Variants in SLC4A1AP observed in about 807,000 individuals in gnomAD.
SLC4A1AP encodes the protein solute carrier family 4 member 1 adaptor protein.
In SLC4A1AP, 64 loss-of-function variants were observed where a neutral mutation model predicts 89.7. The ratio of observed to expected loss-of-function variants is 0.71; its 90% CI spans 0.58 to 0.88. The LOEUF (loss-of-function observed/expected upper bound fraction) is 0.88. Ranked by LOEUF, SLC4A1AP falls within the 40% of genes least tolerant of loss-of-function variation. The pLI, the probability that SLC4A1AP is intolerant of heterozygous loss-of-function variation, is 0.00. For missense variants in SLC4A1AP, 931 were observed against 965.0 expected (o/e 0.96, Z 0.47); for synonymous variants, 366 against 353.3 (o/e 1.04, Z -0.40).
chr2:27,676,343 A>G (rs999377482), intron 6 of SLC4A1AP, among the ~76,000 whole-genome samples: 6 of 152,262 alleles, frequency 3.9e-5, no homozygotes, highest in Non-Finnish European at 5.9e-5. Flanking sequence ...AATTTGTTAC[A>G]GGTATTAATT....
chr2:27,663,926 T>A (rs1675246666), exon 1 of SLC4A1AP: 1 of 1,613,908 alleles, frequency 6.2e-7, no homozygotes, highest in Admixed American at 1.7e-5. Context: ...TGGCTGACAT[T>A]CTCTCTCAGT....
chr2:27,665,198 A>G, exon 2 of SLC4A1AP: 1 of 1,613,896 alleles, frequency 6.2e-7, no homozygotes, highest in Non-Finnish European at 8.5e-7. Context: ...AGAAGATGCT[A>G]GGAGAAGACT....
intron 5 of SLC4A1AP, among the ~76,000 whole-genome samples, chr2:27,669,588 G>A (rs1675388611): frequency 6.6e-6 from 1 of 152,080 alleles, no homozygotes; most frequent in African/African-American, 2.4e-5. Flanking sequence ...TGTGTGCTGA[G>A]ACCTAGATCC....
At chr2:27,681,166 T>C (rs1241881918) in intron 8 of SLC4A1AP, among the ~76,000 whole-genome samples, 1 of 152,214 alleles carries the variant, frequency 6.6e-6, no homozygotes, top group Non-Finnish European at 1.5e-5. Context: ...TGTCTTTCTA[T>C]GCCAGAGCCT....
At chr2:27,664,022 G>A (rs1272962080) in exon 1 of SLC4A1AP, 1 of 1,614,202 alleles carries the variant, frequency 6.2e-7, no homozygotes, top group East Asian at 2.2e-5. Flanking sequence ...GTAAGGCCCC[G>A]GCCAGCAGTT....
At chr2:27,677,480 C>T (rs1426393812) in intron 7 of SLC4A1AP, 116 bp downstream of exon 7, 3 of 745,102 alleles carry the variant, frequency 4.0e-6, no homozygotes, top group South Asian at 1.7e-5. Flanking sequence ...TTTAAAGGAG[C>T]AACATACCGT....
chr2:27,683,732 T>G (rs777357018), intron 9 of SLC4A1AP, among the ~76,000 whole-genome samples: 1 of 152,000 alleles, frequency 6.6e-6, no homozygotes, highest in Non-Finnish European at 1.5e-5. Flanking sequence ...GTCCTAGCTA[T>G]GTATTCTTTT....
chr2:27,688,081 G>T, intron 11 of SLC4A1AP, 61 bp downstream of exon 11: 1 of 1,392,442 alleles, frequency 7.2e-7, no homozygotes, highest in African/African-American at 1.4e-5. Flanking sequence ...GGTTTCATAA[G>T]GGAGGGGCTG....
rs56759152 is a variant in SLC4A1AP at position 27,673,990 on chromosome 2, TTGTGTGTG to T, written c.1346-1508_1346-1501del. Among the ~76,000 whole-genome samples, 1,414 of 148,650 alleles carry T rather than the reference TTGTGTGTG, an allele frequency of 9.5e-3. 24 individuals are homozygous for T. Among genetic ancestry groups the T allele is most frequent in the African/African-American group, 0.031 (1,274 of 40,484 alleles). On this transcript the variant is annotated intron_variant, in intron 5 of 13. Coordinates refer to ENST00000613058, the Ensembl canonical transcript of SLC4A1AP. Reference sequence around the variant, plus strand: ...TCAGCATCACCAGGACATATACAAGTTGTGTGTGTGTGTGTGTGTGTGTGTGTGTGTGT... The same window carrying T: ...TCAGCATCACCAGGACATATACAAGTTGTGTGTGTGTGTGTGTGTGTGTGT...
intron 10 of SLC4A1AP, among the ~76,000 whole-genome samples, chr2:27,686,266 G>GT (rs1558509915): frequency 6.6e-6 from 1 of 152,178 alleles, no homozygotes; most frequent in African/African-American, 2.4e-5. Flanking sequence ...TCTGTGAGAG[G>GT]TAAGTATTCT....
Position 27,667,323 on chromosome 2 carries a change from G to T in SLC4A1AP, c.1077G>T (p.Gln359His), listed in dbSNP as rs75792992. The change falls in exon 3 of 14, where the codon CAG becomes CAT. Residue 359 changes from glutamine to histidine, a missense_variant. Transcript: ENST00000613058. The stretch of plus-strand genomic sequence containing the variant: ...AGAACCCTATTGTCTTAGAGTTTCA[G>T]CAGGAAAGGGAGGCCTTTTATATAA... 2.3e-5 allele frequency: 37 copies of T among 1,613,702 alleles called. No individual in the cohort carries two copies. The East Asian group carries it at 5.3e-4, about 23-fold the overall frequency.
intron 3 of SLC4A1AP, among the ~76,000 whole-genome samples, chr2:27,668,170 AC>A (rs1315669602): frequency 6.6e-6 from 1 of 150,576 alleles, no homozygotes; most frequent in African/African-American, 2.5e-5. Flanking sequence ...TTTTTTTGAG[AC>A]GGAGTCTCGC....
At chr2:27,684,024 C>T (rs1406804440) in intron 9 of SLC4A1AP, among the ~76,000 whole-genome samples, 2 of 152,050 alleles carry the variant, frequency 1.3e-5, no homozygotes, top group Non-Finnish European at 2.9e-5. Context: ...AATGGTTTAC[C>T]TAACAAGTAG....
chr2:27,664,599 T>G (rs746936445), intron 1 of SLC4A1AP, 22 bp downstream of exon 1: 2 of 1,566,610 alleles, frequency 1.3e-6, no homozygotes, highest in Non-Finnish European at 1.7e-6. Context: ...AACCTAGAAT[T>G]GAAATTTCGG....
In SLC4A1AP at chr2:27,677,376, A is replaced by G. The variant is rs754419031; in HGVS notation, c.1576+12A>G. 1.3e-6 allele frequency: 2 copies of G among 1,584,316 alleles called. No homozygotes were observed. The highest frequency in any genetic ancestry group is 1.1e-5 in the South Asian group (1 of 90,288). ...AGCCTCAAGCCAAGGTAAGTTTTTC[A>G]TCAAATATTTATTAATATACCACAT... On this transcript the variant is annotated intron_variant, in intron 7 of 13. Coordinates refer to ENST00000613058, the Ensembl canonical transcript of SLC4A1AP.
intron 11 of SLC4A1AP, 151 bp from the exon 12 acceptor site, chr2:27,688,549 A>T (rs1675741461): frequency 3.4e-6 from 2 of 581,110 alleles, no homozygotes; most frequent in South Asian, 2.3e-5. Flanking sequence ...CTCTTGATAT[A>T]GTTTTTACAG....
intron 9 of SLC4A1AP, 54 bp from the exon 10 acceptor site, chr2:27,684,983 T>G (rs1403026477): frequency 1.3e-6 from 2 of 1,532,732 alleles, no homozygotes; most frequent in Non-Finnish European, 1.7e-6. Flanking sequence ...AAAAGATTTT[T>G]CTCTTGTTGT....
At chr2:27,678,141 T>C (rs1675554957) in intron 8 of SLC4A1AP, among the ~76,000 whole-genome samples, 1 of 152,196 alleles carries the variant, frequency 6.6e-6, no homozygotes, top group Non-Finnish European at 1.5e-5. Context: ...AAAACTATAT[T>C]GATTTCTGAT....
Position 27,667,347 on chromosome 2 carries a change from A to G in SLC4A1AP, c.1101A>G (p.Ile367Met). The G allele has an allele frequency of 6.2e-7, 1 of 1,613,656 alleles. No homozygotes were observed. The highest frequency in any genetic ancestry group is 8.5e-7 in the Non-Finnish European group (1 of 1,179,736). ...AGCAGGAAAGGGAGGCCTTTTATAT[A>G]AAGGATCCCAAAAAGGCTCTCCAAG... Residue 367 changes from isoleucine (I) to methionine (M), a missense_variant, in exon 3 of 14, where the codon ATA becomes ATG. Coordinates refer to ENST00000613058, the Ensembl canonical transcript of SLC4A1AP.
Sources: gnomAD v4.1 joint callset for allele counts (sites outside exome capture counted in the v4.1 genomes callset) on GRCh38, gnomAD v4.1.1 for gene constraint, MANE v1.5 for transcripts, NCBI Gene and HGNC (gene_info 2026-07-23, HGNC 2026-07-21) for gene names.